TEX9: variants seen among roughly 807,000 people sequenced by gnomAD.
The protein encoded by TEX9 is testis expressed 9.
A neutral mutation model predicts 59.6 loss-of-function variants in TEX9; 74 were observed. The observed-to-expected ratio is 1.24, with a 90% CI of 1.03 to 1.51. The LOEUF (loss-of-function observed/expected upper bound fraction) is 1.51, where lower values mean the gene tolerates loss of function less well. Ranked by LOEUF, TEX9 falls within the 40% of genes most tolerant of loss-of-function variation. The pLI is 0.00. For missense variants in TEX9, 522 were observed against 447.8 expected (o/e 1.17, Z -1.49); for synonymous variants, 186 against 152.2 (o/e 1.22, Z -1.64).
intron 12 of TEX9, among the ~76,000 whole-genome samples, chr15:56,443,037 C>T (rs2050846212): frequency 6.6e-6 from 1 of 152,096 alleles, no homozygotes; most frequent in African/African-American, 2.4e-5. Flanking sequence ...ACTATGACAT[C>T]TTCTAGATGA....
At chr15:56,412,348 A>C in exon 10 of TEX9, 1 of 1,613,484 alleles carries the variant, frequency 6.2e-7, no homozygotes, top group South Asian at 1.1e-5. Context: ...GCAAGTAGTC[A>C]AAGTGCCACA....
chr15:56,304,534 G>A (rs12050631), intron 1 of TEX9, among the ~76,000 whole-genome samples: 6,900 of 152,202 alleles, frequency 0.045, 577 homozygotes, highest in East Asian at 0.37. Context: ...TTGATATGAT[G>A]TATCACATTG....
chr15:56,377,186 T>C (rs1431606759), intron 3 of TEX9, among the ~76,000 whole-genome samples: 2 of 152,192 alleles, frequency 1.3e-5, no homozygotes, highest in Non-Finnish European at 2.9e-5. Context: ...AGCCAGGTAA[T>C]GTGATTTCTC....
At chr15:56,393,416 C>T (rs551824109) in intron 7 of TEX9, among the ~76,000 whole-genome samples, 1 of 152,256 alleles carries the variant, frequency 6.6e-6, no homozygotes, top group East Asian at 1.9e-4. Flanking sequence ...ATGTGTATGG[C>T]TTAGTGAGAT....
At chr15:56,378,454 A>G (rs1368721699) in intron 3 of TEX9, among the ~76,000 whole-genome samples, 1 of 151,754 alleles carries the variant, frequency 6.6e-6, no homozygotes, top group Non-Finnish European at 1.5e-5. Flanking sequence ...GGTGGGTTGT[A>G]TGTATGTGTC....
intron 1 of TEX9, among the ~76,000 whole-genome samples, chr15:56,270,222 A>T (rs1273403434): frequency 1.3e-5 from 2 of 152,086 alleles, no homozygotes; most frequent in African/African-American, 4.8e-5. Flanking sequence ...TGTCTCATTG[A>T]TCTGCCTAAT....
intron 1 of TEX9, among the ~76,000 whole-genome samples, chr15:56,280,075 A>C (rs1475366054): frequency 6.6e-6 from 1 of 152,240 alleles, no homozygotes; most frequent in Admixed American, 6.5e-5. Context: ...CAAACATAGG[A>C]TAATGTAAGT....
At chr15:56,388,755 A>T (rs1246943917) in intron 5 of TEX9, among the ~76,000 whole-genome samples, 3 of 152,034 alleles carry the variant, frequency 2.0e-5, no homozygotes, top group African/African-American at 7.2e-5. Flanking sequence ...GTTAGGTGAA[A>T]TGACTTTGTA....
intron 12 of TEX9, among the ~76,000 whole-genome samples, chr15:56,438,025 A>C (rs2050758066): frequency 6.6e-6 from 1 of 152,214 alleles, no homozygotes; most frequent in Non-Finnish European, 1.5e-5. Flanking sequence ...AATATCGTGA[A>C]AATGGCCATA....
At chr15:56,307,871 T>G (rs2045519343) in intron 1 of TEX9, among the ~76,000 whole-genome samples, 1 of 152,240 alleles carries the variant, frequency 6.6e-6, no homozygotes, top group Admixed American at 6.5e-5. Flanking sequence ...TAACTTAGTC[T>G]AATATTTCCA....
chr15:56,421,848 T>A (rs1043447746), intron 10 of TEX9: 8 of 151,674 alleles, frequency 5.3e-5, no homozygotes, highest in Non-Finnish European at 1.2e-4. Flanking sequence ...TACCACATTT[T>A]CTTAATTCAG....
At chr15:56,394,411 TCA>T (rs1260616432) in intron 8 of TEX9, 164 bp downstream of exon 8, 11 of 658,682 alleles carry the variant, frequency 1.7e-5, no homozygotes, top group Admixed American at 3.5e-5. Context: ...TGTTGAATTT[TCA>T]CAGAGCTGAA....
chr15:56,285,137 TCC>T (rs1450032286), intron 1 of TEX9, among the ~76,000 whole-genome samples: 2 of 152,202 alleles, frequency 1.3e-5, no homozygotes, highest in Non-Finnish European at 2.9e-5. Flanking sequence ...GAGATTACTT[TCC>T]TTTGCCTGCA....
At chr15:56,457,489 G>A in the TEX9 span, among the ~76,000 whole-genome samples, 1 of 152,174 alleles carries the variant, frequency 6.6e-6, no homozygotes, top group African/African-American at 2.4e-5. Flanking sequence ...AATGTAAAAT[G>A]GTACAGGCAT....
chr15:56,446,478 G>C (rs2050904320), downstream of TEX9, among the ~76,000 whole-genome samples: 1 of 151,906 alleles, frequency 6.6e-6, no homozygotes, highest in Non-Finnish European at 1.5e-5. Context: ...AAATTATCAA[G>C]TAGTTTACTC....
chr15:56,333,955 G>A (rs574368403), intron 1 of TEX9, among the ~76,000 whole-genome samples: 7 of 151,914 alleles, frequency 4.6e-5, no homozygotes, highest in Admixed American at 2.6e-4. Context: ...GGAATTAACC[G>A]AAGAAGACAA....
At chr15:56,316,971 C>T (rs1342430027) in intron 1 of TEX9, among the ~76,000 whole-genome samples, 3 of 152,326 alleles carry the variant, frequency 2.0e-5, no homozygotes, top group Admixed American at 1.3e-4. Context: ...TGACCCCTTG[C>T]GCTTCCCAAG....
At chr15:56,409,537 G>C (rs1035948138) in intron 9 of TEX9, among the ~76,000 whole-genome samples, 3 of 152,104 alleles carry the variant, frequency 2.0e-5, no homozygotes, top group Non-Finnish European at 2.9e-5. Context: ...ATCTCACTCT[G>C]TTGCTCAGGC....
chr15:56,414,353 C>T (rs781566706), intron 10 of TEX9, among the ~76,000 whole-genome samples: 1 of 151,688 alleles, frequency 6.6e-6, no homozygotes, highest in Non-Finnish European at 1.5e-5. Context: ...GTATTAGGCC[C>T]AGTACTCAAT....
Sources: allele counts gnomAD v4.1 joint callset (sites outside exome capture counted in the v4.1 genomes callset), GRCh38; gene constraint gnomAD v4.1.1; transcripts MANE v1.5; gene names NCBI Gene and HGNC (gene_info 2026-07-23, HGNC 2026-07-21).